Variants in MPHOSPH8 observed in about 807,000 individuals in gnomAD.
MPHOSPH8 encodes M-phase phosphoprotein 8, also known as M-phase phosphoprotein, mpp.
In MPHOSPH8, 45 loss-of-function variants were observed where a neutral mutation model predicts 87.3. That is an observed-to-expected ratio of 0.52 (90% CI 0.41 to 0.66). The LOEUF (loss-of-function observed/expected upper bound fraction) is 0.66. MPHOSPH8 is among the 30% of genes least tolerant of loss of function. The pLI is 0.00. For synonymous variants in MPHOSPH8, 366 were observed against 376.9 expected, an observed-to-expected ratio of 0.97 and a Z score of 0.33; for missense variants, 883 against 1,020.2, an observed-to-expected ratio of 0.87 and a Z score of 1.83.
intron 5 of MPHOSPH8, among the ~76,000 whole-genome samples, chr13:19,658,664 A>C (rs1875339559): frequency 6.6e-6 from 1 of 152,214 alleles, no homozygotes; most frequent in South Asian, 2.1e-4. Flanking sequence ...GAGAAGAGTC[A>C]CATTAGAATT....
chr13:19,648,189 G>A (rs1378888868), intron 3 of MPHOSPH8, among the ~76,000 whole-genome samples: 3 of 151,218 alleles, frequency 2.0e-5, no homozygotes, highest in Non-Finnish European at 4.4e-5. Flanking sequence ...ATTCCTAAAA[G>A]AGGGTTGGAA....
chr13:19,668,480 C>A lies in MPHOSPH8; in HGVS notation c.2278C>A (p.Pro760Thr). ...PIACHRLCEG[P>T]DFSTDFNYKP... ...CGCATGTCATCGACTCTGTGAGGGT[C>A]CAGATTTTTCAACAGATTTCAATTA... Residue 760 changes from proline to threonine, a missense_variant, in exon 11 of 14, where the codon CCA becomes ACA. By Grantham distance (38) the Pro-to-Thr change is conservative. Transcript: ENST00000361479. The A allele has an allele frequency of 1.2e-6, 2 of 1,614,038 alleles. No individual in the cohort carries two copies. Among genetic ancestry groups the A allele is most frequent in the Non-Finnish European group, 1.7e-6 (2 of 1,180,018 alleles).
chr13:19,660,781 CTT>C (rs1449886256), intron 7 of MPHOSPH8, among the ~76,000 whole-genome samples: 1 of 151,984 alleles, frequency 6.6e-6, no homozygotes, highest in Non-Finnish European at 1.5e-5. Context: ...CTGTGGATGT[CTT>C]TGTACACATA....
chr13:19,670,435 A>T, intron 12 of MPHOSPH8, 72 bp downstream of exon 12: 1 of 1,504,688 alleles, frequency 6.6e-7, no homozygotes, highest in South Asian at 1.2e-5. Context: ...TTAATTTTAA[A>T]TTCCTGTGTC....
rs1876147436 is a variant in MPHOSPH8, at chr13:19,671,828, C to G, written c.2542-6C>G. On this transcript the variant is annotated splice_region_variant and splice_polypyrimidine_tract_variant and intron_variant, in intron 13 of 13. Coordinates refer to ENST00000361479, the MANE Select transcript of MPHOSPH8 (RefSeq NM_017520.4). ...TACTGACACCTGCGTTCTTTTCTTT[C>G]AACAGGTTAAGTTGCTAATAGGTGC... is the stretch of plus-strand genomic sequence containing the variant. 3 of 1,614,016 alleles carry G rather than the reference C, an allele frequency of 1.9e-6. No homozygotes were observed. The highest frequency in any genetic ancestry group is 1.1e-5 in the South Asian group (1 of 91,074).
rs893812821 is a variant in MPHOSPH8 at position 19,673,199 on chromosome 13, G to C, written c.*1324G>C. On this transcript the variant is annotated 3_prime_UTR_variant, in exon 14 of 14. Coordinates refer to ENST00000361479, the MANE Select transcript of MPHOSPH8 (RefSeq NM_017520.4). ...CCAAACCTGGCTGTCAGCTGTGTGG[G>C]AGCCACCACCCTCTCTGGGAAGAGT... 6.8e-6 allele frequency: 3 copies of C among 440,542 alleles called. No homozygotes were observed. The highest frequency in any genetic ancestry group is 2.1e-5 in the African/African-American group (1 of 48,704). 27.3% of individuals were successfully genotyped at this position (440,542 alleles called of 1,614,324 possible).
Position 19,659,204 on chromosome 13 carries a change from T to C in MPHOSPH8, c.1706T>C (p.Val569Ala). 1.9e-6 allele frequency: 3 copies of C among 1,611,388 alleles called. No homozygotes were observed. Among genetic ancestry groups the C allele is most frequent in the Middle Eastern group, 1.7e-4 (1 of 5,930 alleles). Residue 569 changes from valine to alanine, a missense_variant, in exon 7 of 14, where the codon GTG (valine) becomes GCG (alanine). Physicochemically the swap from Val to Ala is moderately conservative, Grantham distance 64. Around this residue, in one of 3 missense-constraint regions of MPHOSPH8, gnomAD observed 741 missense variants for 841.5 expected, o/e 0.88. Transcript: ENST00000361479. ...CTTATTTTTTCTTTCATTTTAGATGTGTTAAGGGATGCTGTGAAAAATGGG... is the reference window on the plus strand; with the variant it reads ...CTTATTTTTTCTTTCATTTTAGATGCGTTAAGGGATGCTGTGAAAAATGGG... Reference protein sequence around the residue: ...FAATDAIPSNVLRDAVKNGDY... With the variant: ...FAATDAIPSNALRDAVKNGDY...
chr13:19,660,985 C>G (rs1875494028), intron 7 of MPHOSPH8: 1 of 982,456 alleles, frequency 1.0e-6, no homozygotes, highest in South Asian at 4.7e-5. Flanking sequence ...GAGAGCTGGG[C>G]GTGGTGGCAT....
Position 19,671,888 on chromosome 13 carries a change from G to C in MPHOSPH8, c.*13G>C. 1 of 1,613,594 alleles carries C rather than the reference G, an allele frequency of 6.2e-7. No individual in the cohort carries two copies. On this transcript the variant is annotated 3_prime_UTR_variant, in exon 14 of 14. Transcript: ENST00000361479. ...GCAGCTGCAGTGACCAAACAGAAGG[G>C]ACTGGGCGGAGTTCTCTTCAGACCG... is the stretch of plus-strand genomic sequence containing the variant.
intron 9 of MPHOSPH8, among the ~76,000 whole-genome samples, chr13:19,666,016 TACGTATC>T (rs1875794645): frequency 6.6e-6 from 1 of 152,152 alleles, no homozygotes; most frequent in Non-Finnish European, 1.5e-5. Context: ...AGGCCAGGCT[TACGTATC>T]TCTGCGCCTC....
chr13:19,646,430 T>C lies in MPHOSPH8; in HGVS notation c.370-13T>C, dbSNP rs1874565954. 2.1e-6 allele frequency: 3 copies of C among 1,433,346 alleles called. No homozygotes were observed. In the Middle Eastern group the frequency reaches 5.6e-4, roughly 269 times the overall value. 88.8% of individuals were successfully genotyped at this position (1,433,346 alleles called of 1,614,324 possible). On this transcript the variant is annotated splice_polypyrimidine_tract_variant and intron_variant, in intron 2 of 13. Transcript: ENST00000361479. ...ATGTTAATGAATATTTTAATCTGTT[T>C]TGTATTTTATAGAGACTATCCTTAA...
At chr13:19,664,733 C>G (rs376505432) in intron 9 of MPHOSPH8, among the ~76,000 whole-genome samples, 63 of 152,096 alleles carry the variant, frequency 4.1e-4, no homozygotes, top group Non-Finnish European at 6.3e-4. Flanking sequence ...AGTTGGGGCA[C>G]GGCTGGCAGA....
At chr13:19,655,167 A>G (rs1243007166) in intron 5 of MPHOSPH8, among the ~76,000 whole-genome samples, 1 of 152,210 alleles carries the variant, frequency 6.6e-6, no homozygotes, top group Non-Finnish European at 1.5e-5. Flanking sequence ...CTCGATTGAT[A>G]AAGGACATTA....
At position 19,650,277 on chromosome 13, in the gene MPHOSPH8, T is replaced by G; in HGVS notation, c.1576+17T>G. 1 of 1,607,286 alleles carries G rather than the reference T, an allele frequency of 6.2e-7. No individual in the cohort carries two copies. Among genetic ancestry groups the G allele is most frequent in the African/African-American group, 1.3e-5 (1 of 74,642 alleles). On this transcript the variant is annotated intron_variant, in intron 5 of 13. Coordinates refer to ENST00000361479, the MANE Select transcript of MPHOSPH8 (RefSeq NM_017520.4). Reference sequence around the variant, plus strand: ...AGAATTCAGGTGAGTTTGGAATCATTTTGCAGAATTTTTCAAGGTAGTGCA... The same window carrying G: ...AGAATTCAGGTGAGTTTGGAATCATGTTGCAGAATTTTTCAAGGTAGTGCA...
chr13:19,648,408 C>T lies in MPHOSPH8; in HGVS notation c.1219-14C>T. The T allele has an allele frequency of 6.7e-7, 1 of 1,500,350 alleles. No homozygotes were observed. The highest frequency in any genetic ancestry group is 1.4e-5 in the African/African-American group (1 of 71,550). The allele number at this position is 1,500,350 out of a possible 1,614,324, so 92.9% of individuals were successfully genotyped here. ...CTTTATCCATTCTTGTTTTGGATAT[C>T]ATGTCATTTTCAGGACAAAGAAACC... On this transcript the variant is annotated splice_polypyrimidine_tract_variant and intron_variant, in intron 3 of 13. Transcript: ENST00000361479.
intron 5 of MPHOSPH8, among the ~76,000 whole-genome samples, chr13:19,654,830 C>T (rs1294437865): frequency 6.6e-6 from 1 of 152,108 alleles, no homozygotes; most frequent in Non-Finnish European, 1.5e-5. Context: ...TGCCTGTAAT[C>T]CCAGCTACTC....
chr13:19,656,301 CTG>C (rs1255923260), intron 5 of MPHOSPH8, among the ~76,000 whole-genome samples: 1 of 80,828 alleles, frequency 1.2e-5, no homozygotes, highest in Admixed American at 1.2e-4. Flanking sequence ...AAAAAAAAAA[CTG>C]TCGTCATCAG....
At chr13:19,647,500 A>G (rs955183751) in intron 3 of MPHOSPH8, among the ~76,000 whole-genome samples, 1 of 152,188 alleles carries the variant, frequency 6.6e-6, no homozygotes, top group African/African-American at 2.4e-5. Flanking sequence ...ATTAAAGGCT[A>G]ATTTGTGAAC....
At position 19,642,232 on chromosome 13, in the gene MPHOSPH8, G is replaced by T. The variant is rs1170335686; in HGVS notation, c.331G>T (p.Ala111Ser). 2 of 1,610,030 alleles carry T rather than the reference G, an allele frequency of 1.2e-6. No individual in the cohort carries two copies. The highest frequency in any genetic ancestry group is 8.5e-7 in the Non-Finnish European group (1 of 1,178,746). Residue 111 changes from alanine to serine, a missense_variant, in exon 2 of 14, where the codon GCA (alanine) becomes TCA (serine). Transcript: ENST00000361479. ...GCTTCTTGAATTTAGGAAGAAAATT[G>T]CAGAGAACAAAGCCAAAGCAGTCAG... ...EVLLEFRKKI[A>S]ENKAKAVRKD... is the part of the protein sequence containing the mutation.
Sources: allele counts gnomAD v4.1 joint callset (sites outside exome capture counted in the v4.1 genomes callset), GRCh38; gene constraint gnomAD v4.1.1; regional missense constraint gnomAD v4.1.1; transcripts MANE v1.5; gene names NCBI Gene and HGNC (gene_info 2026-07-23, HGNC 2026-07-21).